The following PAPPA variants were observed in gnomAD, a reference collection of about 807,000 sequenced individuals.
PAPPA encodes pappalysin 1.
PAPPA carries 60 observed loss-of-function variants against 164.0 expected under a neutral mutation model. That is an observed-to-expected ratio of 0.37 (90% CI 0.30 to 0.45). The LOEUF (loss-of-function observed/expected upper bound fraction) is 0.45. Among genes scored for constraint, PAPPA ranks in the 20% least tolerant of loss-of-function variants. The pLI is 1.00. For missense variants in PAPPA, 1,782 were observed against 2,087.3 expected (o/e 0.85, Z 2.85); for synonymous variants, 875 against 814.1 (o/e 1.07, Z -1.27).
At chr9:116,273,115 G>A (rs1485483700) in intron 9 of PAPPA, among the ~76,000 whole-genome samples, 1 of 152,184 alleles carries the variant, frequency 6.6e-6, no homozygotes, top group Non-Finnish European at 1.5e-5. Context: ...CACTAATGTG[G>A]CATGTAATTT....
intron 20 of PAPPA, among the ~76,000 whole-genome samples, chr9:116,377,936 G>A (rs1846677010): frequency 6.6e-6 from 1 of 152,098 alleles, no homozygotes; most frequent in Non-Finnish European, 1.5e-5. Context: ...TATGGGATCT[G>A]TAAGAAAGGA....
At chr9:116,359,773 AT>A (rs1474528970) in intron 17 of PAPPA, among the ~76,000 whole-genome samples, 1 of 152,260 alleles carries the variant, frequency 6.6e-6, no homozygotes, top group African/African-American at 2.4e-5. Context: ...AAAGTGATTC[AT>A]TTGTCTAGCA....
At position 116,205,273 on chromosome 9, in the gene PAPPA, GA is replaced by G. The variant is rs977884619; in HGVS notation, c.1479-2182del. 6.3e-4 allele frequency among the ~76,000 whole-genome samples: 96 copies of G among 152,124 alleles called. 1 individual carries two copies. The highest frequency in any genetic ancestry group is 2.3e-3 in the African/African-American group (94 of 41,506). On this transcript the variant is annotated intron_variant, in intron 2 of 21. Coordinates refer to ENST00000328252, the MANE Select transcript of PAPPA (RefSeq NM_002581.5). ...TAGGATGAATACCACTTCTTGAAAA[GA>G]TTGGCTTCTGCAATTACCACTGAAT...
intron 7 of PAPPA, among the ~76,000 whole-genome samples, chr9:116,249,220 T>G (rs972607820): frequency 6.6e-6 from 1 of 152,210 alleles, no homozygotes; most frequent in African/African-American, 2.4e-5. Context: ...GGGAAGCACA[T>G]GGGCTAAGAG....
chr9:116,214,593 G>A (rs1400235117), intron 4 of PAPPA, among the ~76,000 whole-genome samples: 2 of 152,104 alleles, frequency 1.3e-5, no homozygotes, highest in African/African-American at 4.8e-5. Flanking sequence ...TTGATGGGGG[G>A]AAGCCTAATT....
rs118086612 is a variant in PAPPA at position 116,264,772 on chromosome 9, A to C, written c.2733-1085A>C. Among the ~76,000 whole-genome samples the C allele has an allele frequency of 3.8e-3, 581 of 152,296 alleles. 15 individuals are homozygous for C. The East Asian group carries it at 0.078, about 20-fold the overall frequency. On this transcript the variant is annotated intron_variant, in intron 7 of 21. Transcript: ENST00000328252. Reference sequence around the variant, plus strand: ...TTATTAAAAAATTATTACTAAAAATAATTGATGCAGAGGTAGATGAAAGAT... The same window carrying C: ...TTATTAAAAAATTATTACTAAAAATCATTGATGCAGAGGTAGATGAAAGAT...
chr9:116,317,293 G>A (rs897436122), intron 10 of PAPPA, among the ~76,000 whole-genome samples: 2 of 152,162 alleles, frequency 1.3e-5, no homozygotes, highest in Non-Finnish European at 2.9e-5. Context: ...TCGGTGACCA[G>A]GCACCGAACT....
Position 116,398,652 on chromosome 9 carries a change from A to C in PAPPA, c.*2036A>C. 1 of 607,362 alleles carries C rather than the reference A, an allele frequency of 1.6e-6. No homozygotes were observed. Among genetic ancestry groups the C allele is most frequent in the Non-Finnish European group, 2.7e-6 (1 of 365,310 alleles). The allele number at this position is 607,362 out of a possible 1,614,324, so 37.6% of individuals were successfully genotyped here. A position where few individuals can be genotyped will look rare whatever the true frequency, so the allele number is the denominator to read the frequency against. ...GCTTTTGGCACAGGTGCCCACAAAT[A>C]CGGATGCAGTGCTGAGATAGTTTAT... is the stretch of plus-strand genomic sequence containing the variant. On this transcript the variant is annotated 3_prime_UTR_variant, in exon 22 of 22. Coordinates refer to ENST00000328252, the MANE Select transcript of PAPPA (RefSeq NM_002581.5).
intron 7 of PAPPA, among the ~76,000 whole-genome samples, chr9:116,250,301 G>C (rs1304135537): frequency 6.6e-6 from 1 of 152,118 alleles, no homozygotes; most frequent in Non-Finnish European, 1.5e-5. Flanking sequence ...CTTCCATTCT[G>C]ATGCTAGCTT....
chr9:116,154,659 G>A lies in PAPPA; in HGVS notation c.415+72G>A. 2 of 1,254,896 alleles carry A rather than the reference G, an allele frequency of 1.6e-6. No homozygotes were observed. The highest frequency in any genetic ancestry group is 3.2e-5 in the East Asian group (1 of 31,456). 77.7% of individuals were successfully genotyped at this position (1,254,896 alleles called of 1,614,324 possible). ...AGAGGCTCGCGGGTGTCTGGGCGCG[G>A]GTGGCGGGCGGGTCGGGGGCTTGCG... On this transcript the variant is annotated intron_variant, in intron 1 of 21. Transcript: ENST00000328252. This position sits in a 1 kb window ranked among gnomAD's most constrained non-coding sequence, Gnocchi z 5.2.
intron 21 of PAPPA, among the ~76,000 whole-genome samples, chr9:116,390,445 A>T (rs922290582): frequency 2.6e-5 from 4 of 152,192 alleles, no homozygotes; most frequent in African/African-American, 4.8e-5. Context: ...GCCTAGATGG[A>T]TAAGCAAGGC....
intron 1 of PAPPA, among the ~76,000 whole-genome samples, chr9:116,169,030 A>T (rs374826995): frequency 1.2e-4 from 18 of 152,326 alleles, no homozygotes; most frequent in East Asian, 1.2e-3. Context: ...GGAATAACAT[A>T]AGGTGATTGA....
Position 116,302,953 on chromosome 9 carries a change from A to G in PAPPA, c.3147+3A>G, listed in dbSNP as rs745974774. ...TCGGACAGCCAGCAGCATCCCAGGT[A>G]AGATCCTAACCATGTGTGGCATTTC... On this transcript the variant is annotated splice_donor_region_variant and intron_variant, in intron 10 of 21. Transcript: ENST00000328252. 1.9e-6 allele frequency: 3 copies of G among 1,612,756 alleles called. No individual in the cohort carries two copies. Among genetic ancestry groups the G allele is most frequent in the Non-Finnish European group, 2.5e-6 (3 of 1,179,528 alleles).
chr9:116,253,690 G>A (rs1166166105), intron 7 of PAPPA, among the ~76,000 whole-genome samples: 1 of 151,966 alleles, frequency 6.6e-6, no homozygotes, highest in East Asian at 1.9e-4. Flanking sequence ...ATCACTCAGT[G>A]GAAAAAACTG....
At chr9:116,254,951 GA>G (rs1309523847) in intron 7 of PAPPA, among the ~76,000 whole-genome samples, 4 of 151,702 alleles carry the variant, frequency 2.6e-5, no homozygotes, top group African/African-American at 9.6e-5. Flanking sequence ...ATTTTGGGGA[GA>G]AAAAAGCAAT....
At chr9:116,382,087 G>T (rs147469779) in intron 20 of PAPPA, among the ~76,000 whole-genome samples, 98 of 152,256 alleles carry the variant, frequency 6.4e-4, no homozygotes, top group African/African-American at 2.2e-3. Context: ...CTTTCAGGAA[G>T]ATGTAAGCCA....
At chr9:116,193,632 A>G (rs1439204496) in intron 2 of PAPPA, among the ~76,000 whole-genome samples, 2 of 152,188 alleles carry the variant, frequency 1.3e-5, no homozygotes, top group East Asian at 3.9e-4. Context: ...ACACCAGCTT[A>G]AAACCTGGAA....
intron 6 of PAPPA, among the ~76,000 whole-genome samples, chr9:116,232,326 C>G (rs866597285): frequency 6.6e-6 from 1 of 152,174 alleles, no homozygotes; most frequent in East Asian, 1.9e-4. Context: ...GTTAATACGT[C>G]CCTACTTTCC....
Position 116,401,860 on chromosome 9 carries a change from A to AG in PAPPA, c.*5244_*5245insG, listed in dbSNP as rs1847062164. On this transcript the variant is annotated 3_prime_UTR_variant, in exon 22 of 22. Transcript: ENST00000328252. Reference sequence around the variant, plus strand: ...TCTGGCCTATTGTAAAAAAGAAAAAAAAAAAGAAAAAGAAGAAAGACACAA... The same window carrying AG: ...TCTGGCCTATTGTAAAAAAGAAAAAAGAAAAAGAAAAAGAAGAAAGACACAA... 1 of 151,252 alleles carries AG rather than the reference A, an allele frequency of 6.6e-6. No homozygotes were observed. The highest frequency in any genetic ancestry group is 1.9e-4 in the East Asian group (1 of 5,154). 9.4% of individuals were successfully genotyped at this position (151,252 alleles called of 1,614,324 possible). A position where few individuals can be genotyped will look rare whatever the true frequency, so the allele number is the denominator to read the frequency against.
Sources: allele counts gnomAD v4.1 joint callset (sites outside exome capture counted in the v4.1 genomes callset), GRCh38; gene constraint gnomAD v4.1.1; non-coding constraint Gnocchi (gnomAD v3.1); transcripts MANE v1.5; gene names NCBI Gene and HGNC (gene_info 2026-07-23, HGNC 2026-07-21).